JAG2: variants seen among roughly 807,000 people sequenced by gnomAD.
The protein encoded by JAG2 is protein jagged-2.
A neutral mutation model predicts 141.7 loss-of-function variants in JAG2; 46 were observed. The ratio of observed to expected loss-of-function variants is 0.32; its 90% CI spans 0.26 to 0.42. JAG2 has a LOEUF of 0.42. Ranked by LOEUF, JAG2 falls within the 10% of genes least tolerant of loss-of-function variation. The pLI is 1.00. For synonymous variants in JAG2, 862 were observed against 763.5 expected (o/e 1.13, Z -2.13); for missense variants, 1,500 against 1,817.5 (o/e 0.83, Z 3.18).
chr14:105,161,465 T>C (rs905323076), intron 2 of JAG2, among the ~76,000 whole-genome samples: 3 of 152,158 alleles, frequency 2.0e-5, no homozygotes, highest in African/African-American at 7.2e-5. Flanking sequence ...GGAAACCTCA[T>C]GCCAGCCACT....
In JAG2 at chr14:105,148,901, A is replaced by AGCCCC. The variant is rs587624930; in HGVS notation, c.1906+31_1906+35dup. 789 of 1,594,796 alleles carry AGCCCC rather than the reference A, an allele frequency of 4.9e-4. 2 individuals carry two copies. In the Middle Eastern group the frequency reaches 9.4e-3, roughly 19 times the overall value. On this transcript the variant is annotated intron_variant, in intron 14 of 25. Transcript: ENST00000331782. ...GTGAGCCAGGGCCTCAGGCCAGCCC[A>AGCCCC]GCCCCACCACCAGCCCGCCGTTCGT...
intron 2 of JAG2, among the ~76,000 whole-genome samples, chr14:105,163,537 T>C (rs1010752033): frequency 1.3e-5 from 2 of 151,674 alleles, no homozygotes; most frequent in Non-Finnish European, 2.9e-5. Flanking sequence ...GATGTGGGGA[T>C]AGGAATCCCG....
intron 2 of JAG2, among the ~76,000 whole-genome samples, chr14:105,158,227 C>T (rs1888634564): frequency 6.6e-6 from 1 of 152,152 alleles, no homozygotes; most frequent in African/African-American, 2.4e-5. Context: ...GCCCCATCAC[C>T]ACGCTGGCGG....
intron 15 of JAG2, 89 bp from the exon 16 acceptor site, chr14:105,148,528 G>T: frequency 1.0e-6 from 1 of 983,992 alleles, no homozygotes; most frequent in Non-Finnish European, 1.5e-6. Flanking sequence ...GCTGGGCCAG[G>T]TGAGGACAGA....
intron 2 of JAG2, among the ~76,000 whole-genome samples, chr14:105,166,250 G>A (rs1183751285): frequency 3.3e-5 from 5 of 152,230 alleles, no homozygotes; most frequent in East Asian, 1.9e-4. Context: ...GCGGACACGC[G>A]ATAGCCCGCC....
chr14:105,156,058 G>A (rs914963577), intron 3 of JAG2, 69 bp from the exon 4 acceptor site: 92 of 1,575,180 alleles, frequency 5.8e-5, no homozygotes, highest in Middle Eastern at 4.2e-4. Flanking sequence ...CAGGAACAAC[G>A]GGGACGGGGC....
chr14:105,147,553 G>T, intron 18 of JAG2, 26 bp from the exon 19 acceptor site: 1 of 1,608,468 alleles, frequency 6.2e-7, no homozygotes, highest in Non-Finnish European at 8.5e-7. Context: ...AGAACGCAGG[G>T]GATCAGTACC....
Position 105,146,702 on chromosome 14 carries a change from C to T in JAG2, c.2502G>A (p.Ser834=), listed in dbSNP as rs113906438. ...CRINIDECQS[S]PCAYGATCVD... ...CACACGTGGCCCCGTAGGCACAGGG[C>T]GAGGACTGGCACTCGTCGATGTCTG... The change falls in exon 21 of 26, where the codon TCG becomes TCA. Residue 834 remains serine, a synonymous_variant. Coordinates refer to ENST00000331782, the MANE Select transcript of JAG2 (RefSeq NM_002226.5). 7,746 of 1,612,562 alleles carry T rather than the reference C, an allele frequency of 4.8e-3. 247 individuals are homozygous for T. In the Admixed American group the frequency reaches 0.067, roughly 14 times the overall value.
At position 105,142,848 on chromosome 14, in the gene JAG2, C is replaced by G. The variant is rs763324007; in HGVS notation, c.3564G>C (p.Glu1188Asp). The G allele has an allele frequency of 1.9e-6, 3 of 1,609,060 alleles. No individual in the cohort carries two copies. The highest frequency in any genetic ancestry group is 2.2e-5 in the South Asian group (2 of 90,352). The change falls in exon 26 of 26, where the codon GAG (glutamate) becomes GAC (aspartate). Residue 1188 changes from glutamate to aspartate, a missense_variant. Around this residue, in one of 3 missense-constraint regions of JAG2, gnomAD observed 425 missense variants for 441.0 expected, o/e 0.96. Coordinates refer to ENST00000331782, the MANE Select transcript of JAG2 (RefSeq NM_002226.5). The part of the protein sequence containing the change: ...EEDEDLGRGE[E>D]DSLEAEKFLS... ...GGAACTTCTCCGCCTCCAGGGAGTC[C>G]TCCTCACCGCGGCCCAGATCCTCGT...
chr14:105,148,555 G>A, intron 15 of JAG2, 116 bp from the exon 16 acceptor site: 1 of 845,876 alleles, frequency 1.2e-6, no homozygotes, highest in Non-Finnish European at 1.9e-6. Context: ...CGGGGGAGGA[G>A]CGTCGGGCCG....
At chr14:105,156,076 T>A (rs1888574966) in intron 3 of JAG2, 87 bp from the exon 4 acceptor site, 3 of 1,506,456 alleles carry the variant, frequency 2.0e-6, no homozygotes, top group Non-Finnish European at 2.7e-6. Flanking sequence ...GGCAGAAGCC[T>A]GCGGCTGCTG....
At chr14:105,150,281 C>T (rs1266285246) in intron 12 of JAG2, among the ~76,000 whole-genome samples, 1 of 152,018 alleles carries the variant, frequency 6.6e-6, no homozygotes. Context: ...ATGTGCTCTG[C>T]CCACCAGAGC....
chr14:105,157,735 C>A lies in JAG2; in HGVS notation c.446G>T (p.Trp149Leu). The A allele has an allele frequency of 6.3e-7, 1 of 1,575,628 alleles. No individual in the cohort carries two copies. The highest frequency in any genetic ancestry group is 2.4e-5 in the East Asian group (1 of 42,402). ...PRSFTLIVEA[W>L]DWDNDTTPNE... is the part of the protein sequence containing the mutation. ...CGGGGTGGTATCGTTGTCCCAGTCC[C>A]AGGCCTCCACGATGAGGGTAAAGGA... The change falls in exon 3 of 26, where the codon TGG becomes TTG. Residue 149 changes from tryptophan to leucine, a missense_variant. Coordinates refer to ENST00000331782, the MANE Select transcript of JAG2 (RefSeq NM_002226.5).
At chr14:105,165,875 C>T (rs1248080192) in intron 2 of JAG2, among the ~76,000 whole-genome samples, 1 of 152,266 alleles carries the variant, frequency 6.6e-6, no homozygotes, top group Non-Finnish European at 1.5e-5. Flanking sequence ...CCATCACAGC[C>T]AAGTACACCT....
chr14:105,152,644 G>A (rs1481709359), intron 5 of JAG2, among the ~76,000 whole-genome samples: 1 of 152,182 alleles, frequency 6.6e-6, no homozygotes, highest in Non-Finnish European at 1.5e-5. Context: ...GGTGCTGCCA[G>A]GGCCGGGAGG....
intron 21 of JAG2, 38 bp downstream of exon 21, chr14:105,146,573 C>T: frequency 1.2e-6 from 2 of 1,606,744 alleles, no homozygotes; most frequent in Non-Finnish European, 8.5e-7. Flanking sequence ...CCATGCCCCC[C>T]AACCCGCCCC....
intron 22 of JAG2, 46 bp from the exon 23 acceptor site, chr14:105,146,019 G>C (rs750759846): frequency 6.4e-7 from 1 of 1,573,358 alleles, no homozygotes; most frequent in Non-Finnish European, 8.6e-7. Flanking sequence ...GCACAGGAGG[G>C]TCAGATGCAG....
At chr14:105,150,838 CCA>C in intron 11 of JAG2, 25 bp downstream of exon 11, 1 of 1,574,636 alleles carries the variant, frequency 6.4e-7, no homozygotes, top group Non-Finnish European at 8.6e-7. Flanking sequence ...AGCACCCACG[CCA>C]CACACCCTCC....
chr14:105,159,438 C>T (rs1409796018), intron 2 of JAG2, among the ~76,000 whole-genome samples: 1 of 151,844 alleles, frequency 6.6e-6, no homozygotes, highest in Non-Finnish European at 1.5e-5. Context: ...CCCCGCCAGG[C>T]CACGGGGCCC....
Sources: gnomAD v4.1 joint callset for allele counts (sites outside exome capture counted in the v4.1 genomes callset) on GRCh38, gnomAD v4.1.1 for gene constraint, gnomAD v4.1.1 regional missense constraint, MANE v1.5 for transcripts, NCBI Gene and HGNC (gene_info 2026-07-23, HGNC 2026-07-21) for gene names.